Variants in NFIB observed in about 807,000 individuals in gnomAD.
NFIB encodes nuclear factor 1 B-type.
Under a neutral mutation model 61.5 loss-of-function variants are expected in NFIB, and 11 were observed. The ratio of observed to expected loss-of-function variants is 0.18; its 90% CI spans 0.11 to 0.30. The LOEUF is 0.30. Ranked by LOEUF, NFIB falls within the 10% of genes least tolerant of loss-of-function variation. The pLI, the probability that NFIB is intolerant of heterozygous loss-of-function variation, is 1.00. For missense variants in NFIB, 471 were observed against 608.9 expected, an observed-to-expected ratio of 0.77 and a Z score of 2.38; for synonymous variants, 260 against 216.5, an observed-to-expected ratio of 1.20 and a Z score of -1.76.
the NFIB span, among the ~76,000 whole-genome samples, chr9:14,512,675 C>T: frequency 2.3e-5 from 3 of 130,098 alleles, no homozygotes; most frequent in Non-Finnish European, 1.7e-5. Context: ...CACTTAGCGT[C>T]TTGTACTCTT....
chr9:14,255,155 C>T (rs1440881286), intron 2 of NFIB, among the ~76,000 whole-genome samples: 3 of 151,766 alleles, frequency 2.0e-5, no homozygotes, highest in Non-Finnish European at 2.9e-5. Context: ...CCCAGGAGTT[C>T]GAGGCTGCAG....
intron 3 of NFIB, among the ~76,000 whole-genome samples, chr9:14,158,786 T>C (rs1309228072): frequency 6.6e-6 from 1 of 152,194 alleles, no homozygotes; most frequent in Non-Finnish European, 1.5e-5. Context: ...GAGTAATGAT[T>C]AGGGTCGGAT....
the NFIB span, among the ~76,000 whole-genome samples, chr9:14,419,499 G>A: frequency 2.6e-5 from 4 of 152,130 alleles, no homozygotes; most frequent in Non-Finnish European, 5.9e-5. Context: ...GCGTCTAGTT[G>A]AATGCTCTGC....
intron 9 of NFIB, 134 bp from the exon 10 acceptor site, chr9:14,113,215 T>G (rs1326219854): frequency 1.5e-6 from 1 of 661,708 alleles, no homozygotes; most frequent in East Asian, 3.0e-5. Context: ...TCTTCTCTTT[T>G]GTCTGAGTGA....
the NFIB span, among the ~76,000 whole-genome samples, chr9:14,502,131 C>T: frequency 2.6e-5 from 4 of 152,186 alleles, no homozygotes; most frequent in Non-Finnish European, 5.9e-5. Context: ...TTAGAAAGGA[C>T]GTATGATGCA....
chr9:14,113,877 G>A (rs1170682853), intron 9 of NFIB, among the ~76,000 whole-genome samples: 3 of 151,634 alleles, frequency 2.0e-5, no homozygotes, highest in African/African-American at 7.3e-5. Context: ...TTGCTTTTTG[G>A]TATAGAGTAA....
In NFIB at chr9:14,190,413, C is replaced by G. The variant is rs565535078; in HGVS notation, c.563-10633G>C. Reference sequence around the variant, plus strand: ...GCTTCTGTTCATAAAATAACTTTATCAAAATATTAGAGGAAAAAAATCAGA... The same window carrying G: ...GCTTCTGTTCATAAAATAACTTTATGAAAATATTAGAGGAAAAAAATCAGA... On this transcript the variant is annotated intron_variant, in intron 2 of 10. Coordinates refer to ENST00000380953, the MANE Select transcript of NFIB (RefSeq NM_001190737.2). Among the ~76,000 whole-genome samples, 11 of 152,194 alleles carry G rather than the reference C, an allele frequency of 7.2e-5. 1 individual carries two copies. The South Asian group carries it at 1.2e-3, about 17-fold the overall frequency.
At chr9:14,445,751 G>C in the NFIB span, among the ~76,000 whole-genome samples, 3 of 152,156 alleles carry the variant, frequency 2.0e-5, no homozygotes, top group Non-Finnish European at 4.4e-5. Context: ...GATTTATGCT[G>C]TGTTCTCGAA....
the NFIB span, among the ~76,000 whole-genome samples, chr9:14,442,898 G>C: frequency 1.3e-5 from 2 of 151,986 alleles, no homozygotes; most frequent in African/African-American, 2.4e-5. Context: ...TTTTCTATCA[G>C]GTATAGTGTT....
chr9:14,429,089 C>G, the NFIB span, among the ~76,000 whole-genome samples: 1 of 152,138 alleles, frequency 6.6e-6, no homozygotes, highest in Non-Finnish European at 1.5e-5. Context: ...AATCAAATGA[C>G]AGAGCTTAGG....
intron 2 of NFIB, among the ~76,000 whole-genome samples, chr9:14,293,494 A>C (rs186728217): frequency 6.6e-6 from 1 of 152,356 alleles, no homozygotes; most frequent in East Asian, 1.9e-4. Context: ...GGTGAGGAGG[A>C]AATTACGCCT....
chr9:14,531,001 G>A, the NFIB span, among the ~76,000 whole-genome samples: 1 of 152,202 alleles, frequency 6.6e-6, no homozygotes, highest in Non-Finnish European at 1.5e-5. Context: ...ATGCTTGCCT[G>A]TGGAAAGGGT....
At chr9:14,433,826 A>G in the NFIB span, among the ~76,000 whole-genome samples, 3 of 152,236 alleles carry the variant, frequency 2.0e-5, no homozygotes, top group Non-Finnish European at 2.9e-5. Context: ...GAAAATATTC[A>G]TAATGCTTTC....
At chr9:14,231,452 C>T (rs1443210538) in intron 2 of NFIB, among the ~76,000 whole-genome samples, 1 of 151,946 alleles carries the variant, frequency 6.6e-6, no homozygotes, top group East Asian at 1.9e-4. Context: ...GAAGCCCAAT[C>T]CTGCCTGAAT....
At chr9:14,378,719 A>G (rs562483102) in intron 1 of NFIB, among the ~76,000 whole-genome samples, 1 of 152,346 alleles carries the variant, frequency 6.6e-6, no homozygotes, top group African/African-American at 2.4e-5. Context: ...GTGAACAGGC[A>G]TCATCTGCAA....
At chr9:14,467,632 T>C in the NFIB span, among the ~76,000 whole-genome samples, 1 of 152,266 alleles carries the variant, frequency 6.6e-6, no homozygotes, top group Non-Finnish European at 1.5e-5. Context: ...ATGTATTTAT[T>C]CACTCAATAT....
intron 2 of NFIB, among the ~76,000 whole-genome samples, chr9:14,188,964 T>G (rs1222156152): frequency 6.6e-6 from 1 of 152,190 alleles, no homozygotes; most frequent in Non-Finnish European, 1.5e-5. Context: ...CAATGCAGAA[T>G]TTCAACATAA....
chr9:14,501,559 C>T, the NFIB span, among the ~76,000 whole-genome samples: 3 of 152,136 alleles, frequency 2.0e-5, no homozygotes, highest in Non-Finnish European at 2.9e-5. Flanking sequence ...TTAACAATGA[C>T]GTAATGGATG....
rs866547381 is a variant in NFIB, at chr9:14,231,252, C to A, written c.563-51472G>T. Among the ~76,000 whole-genome samples the A allele has an allele frequency of 2.0e-5, 3 of 146,730 alleles. No individual in the cohort carries two copies. The South Asian group carries it at 6.6e-4, about 32-fold the overall frequency. On this transcript the variant is annotated intron_variant, in intron 2 of 10. Transcript: ENST00000380953. ...TGGGAGAAAGCCCTGAAAAGAAAAA[C>A]TATTTGCTCCTGAATTTATCTGTAT...
Sources: allele counts gnomAD v4.1 joint callset (sites outside exome capture counted in the v4.1 genomes callset), GRCh38; gene constraint gnomAD v4.1.1; transcripts MANE v1.5; gene names NCBI Gene and HGNC (gene_info 2026-07-23, HGNC 2026-07-21).